The following PKP4 variants were observed in gnomAD, a reference collection of about 807,000 sequenced individuals.
PKP4 encodes plakophilin-4.
PKP4 carries 90 observed loss-of-function variants against 145.1 expected under a neutral mutation model. The observed-to-expected ratio is 0.62, with a 90% CI of 0.52 to 0.74. The LOEUF (loss-of-function observed/expected upper bound fraction) is 0.74. Among genes scored for constraint, PKP4 ranks in the 30% least tolerant of loss-of-function variants. PKP4 has a pLI of 0.00. For missense variants in PKP4, 1,340 were observed against 1,482.7 expected, an observed-to-expected ratio of 0.90 and a Z score of 1.58; for synonymous variants, 563 against 577.2, an observed-to-expected ratio of 0.98 and a Z score of 0.35.
intron 1 of PKP4, among the ~76,000 whole-genome samples, chr2:158,466,281 G>A (rs1690594705): frequency 6.6e-6 from 1 of 152,080 alleles, no homozygotes; most frequent in Admixed American, 6.5e-5. Flanking sequence ...TTGTAAACTG[G>A]TCTGAGACCC....
chr2:158,466,777 A>G (rs1027337963), intron 1 of PKP4, among the ~76,000 whole-genome samples: 2 of 152,234 alleles, frequency 1.3e-5, no homozygotes, highest in African/African-American at 4.8e-5. Flanking sequence ...CTGGATTATA[A>G]CCATAGTGAG....
intron 2 of PKP4, among the ~76,000 whole-genome samples, chr2:158,562,768 A>G (rs2046649509): frequency 6.6e-6 from 1 of 152,250 alleles, no homozygotes; most frequent in Non-Finnish European, 1.5e-5. Flanking sequence ...ATCAAATGAA[A>G]AATTTACTAT....
chr2:158,572,974 T>G (rs2047534571), intron 2 of PKP4, among the ~76,000 whole-genome samples: 1 of 152,226 alleles, frequency 6.6e-6, no homozygotes, highest in East Asian at 1.9e-4. Context: ...TGAAGATGTG[T>G]GTACCTTTCG....
chr2:158,641,866 G>A (rs2054314133), intron 10 of PKP4, among the ~76,000 whole-genome samples: 1 of 152,204 alleles, frequency 6.6e-6, no homozygotes, highest in Admixed American at 6.5e-5. Context: ...TTGCACTGCT[G>A]GAGTGAAAGC....
intron 4 of PKP4, among the ~76,000 whole-genome samples, chr2:158,607,178 G>T (rs764477911): frequency 3.7e-4 from 56 of 152,242 alleles, no homozygotes; most frequent in Non-Finnish European, 6.5e-4. Flanking sequence ...CCAGGTGTAT[G>T]GGATTGATCT....
chr2:158,632,030 A>G, intron 8 of PKP4, 89 bp downstream of exon 8: 3 of 1,192,910 alleles, frequency 2.5e-6, no homozygotes, highest in Non-Finnish European at 3.7e-6. Context: ...TGTTAGAAGG[A>G]AATCATGTTG....
Position 158,680,915 on chromosome 2 carries a change from G to T in PKP4, c.*238G>T. ...TTACTTATAGATTCTGTAGTCTGGT[G>T]AAGGTGTGGGTGACGTGATGAGAGG... On this transcript the variant is annotated 3_prime_UTR_variant, in exon 22 of 22. Transcript: ENST00000389759. 2.4e-6 allele frequency: 1 copy of T among 424,562 alleles called. No homozygotes were observed. Among genetic ancestry groups the T allele is most frequent in the Non-Finnish European group, 4.2e-6 (1 of 240,614 alleles). The allele number at this position is 424,562 out of a possible 1,614,324, so 26.3% of individuals were successfully genotyped here. A position where few individuals can be genotyped will look rare whatever the true frequency, so the allele number is the denominator to read the frequency against.
chr2:158,521,275 G>T (rs1361800762), intron 1 of PKP4, among the ~76,000 whole-genome samples: 1 of 152,156 alleles, frequency 6.6e-6, no homozygotes, highest in African/African-American at 2.4e-5. Context: ...CTTGTGTATT[G>T]ACTACTCATT....
chr2:158,611,107 T>G (rs3755417), intron 4 of PKP4, among the ~76,000 whole-genome samples: 1 of 152,082 alleles, frequency 6.6e-6, no homozygotes, highest in Non-Finnish European at 1.5e-5. Flanking sequence ...TTAATAGATT[T>G]GGATGAACAG....
At chr2:158,678,874 G>A (rs1218459031) in intron 21 of PKP4, 16 of 580,188 alleles carry the variant, frequency 2.8e-5, no homozygotes, top group Non-Finnish European at 3.7e-5. Context: ...TGAGACCACC[G>A]TGCCACTGAT....
intron 3 of PKP4, among the ~76,000 whole-genome samples, chr2:158,590,836 G>A (rs566078335): frequency 1.2e-4 from 18 of 152,180 alleles, no homozygotes; most frequent in African/African-American, 3.9e-4. Flanking sequence ...AAGGTAGTGA[G>A]AAGTTTTACA....
intron 17 of PKP4, among the ~76,000 whole-genome samples, chr2:158,672,092 G>A (rs4664989): frequency 0.6 from 90,880 of 152,080 alleles, 27,782 homozygotes; most frequent in East Asian, 0.78. Context: ...TGACGGCCTT[G>A]GCCAAGGCAG....
At chr2:158,536,822 CG>C (rs2044090615) in intron 2 of PKP4, among the ~76,000 whole-genome samples, 1 of 152,166 alleles carries the variant, frequency 6.6e-6, no homozygotes, top group Admixed American at 6.5e-5. Flanking sequence ...TCAAACGCTG[CG>C]TTTTTGATGA....
intron 2 of PKP4, among the ~76,000 whole-genome samples, chr2:158,550,875 G>A (rs2045560408): frequency 6.6e-6 from 1 of 152,194 alleles, no homozygotes; most frequent in African/African-American, 2.4e-5. Context: ...AACAAATGTG[G>A]TGCCCTTCCG....
intron 3 of PKP4, among the ~76,000 whole-genome samples, chr2:158,599,319 T>G (rs1040604260): frequency 3.3e-5 from 5 of 152,062 alleles, no homozygotes; most frequent in Admixed American, 2.6e-4. Flanking sequence ...TCAAAATGAG[T>G]GATAGCCATG....
At chr2:158,558,688 A>G (rs575894440) in intron 2 of PKP4, among the ~76,000 whole-genome samples, 1 of 152,324 alleles carries the variant, frequency 6.6e-6, no homozygotes, top group African/African-American at 2.4e-5. Flanking sequence ...GGAAAGGGAA[A>G]CAGGAACTGT....
At chr2:158,655,927 G>T (rs1487908109) in intron 11 of PKP4, among the ~76,000 whole-genome samples, 2 of 152,192 alleles carry the variant, frequency 1.3e-5, no homozygotes, top group African/African-American at 4.8e-5. Context: ...GTCCTCTCCT[G>T]CTATGCCTTG....
At position 158,480,388 on chromosome 2, in the gene PKP4, C is replaced by G. The variant is rs928680245; in HGVS notation, c.-6+23170C>G. Among the ~76,000 whole-genome samples, 5 of 152,206 alleles carry G rather than the reference C, an allele frequency of 3.3e-5. No homozygotes were observed. The South Asian group carries it at 8.3e-4, about 25-fold the overall frequency. On this transcript the variant is annotated intron_variant, in intron 1 of 21. Coordinates refer to ENST00000389759, the MANE Select transcript of PKP4 (RefSeq NM_003628.6). ...AGTAGCTGGGATTACAGGCACCCAC[C>G]ACCACGCCCAGCTAATTTTTGTATT...
At chr2:158,653,768 G>A (rs1391029847) in intron 11 of PKP4, among the ~76,000 whole-genome samples, 1 of 152,200 alleles carries the variant, frequency 6.6e-6, no homozygotes, top group Non-Finnish European at 1.5e-5. Flanking sequence ...TTTTGCATTA[G>A]GATGTTGGAG....
Sources: gnomAD v4.1 joint callset for allele counts (sites outside exome capture counted in the v4.1 genomes callset) on GRCh38, gnomAD v4.1.1 for gene constraint, MANE v1.5 for transcripts, NCBI Gene and HGNC (gene_info 2026-07-23, HGNC 2026-07-21) for gene names.